OPHN1: variants seen among roughly 807,000 people sequenced by gnomAD.
OPHN1 encodes the protein oligophrenin 1.
In OPHN1, 11 loss-of-function variants were observed where a neutral mutation model predicts 60.7. That is an observed-to-expected ratio of 0.18 (90% CI 0.11 to 0.30). The LOEUF (loss-of-function observed/expected upper bound fraction) is 0.30, where lower values mean the gene tolerates loss of function less well. Ranked by LOEUF, OPHN1 falls within the 10% of genes least tolerant of loss-of-function variation. OPHN1 has a pLI of 1.00. For synonymous variants in OPHN1, 226 were observed against 222.6 expected, an observed-to-expected ratio of 1.02 and a Z score of -0.14; for missense variants, 449 against 611.0, an observed-to-expected ratio of 0.73 and a Z score of 2.80.
chrX:68,143,869 T>C (rs2077253108), intron 15 of OPHN1, among the ~76,000 whole-genome samples: 1 of 111,819 alleles, frequency 8.9e-6, no homozygotes, highest in Non-Finnish European at 1.9e-5. Flanking sequence ...TTGACTGTAA[T>C]AAATCACAGC....
At chrX:68,150,853 G>A (rs2077282632) in intron 15 of OPHN1, among the ~76,000 whole-genome samples, 2 of 111,880 alleles carry the variant, frequency 1.8e-5, no homozygotes, top group Non-Finnish European at 3.8e-5. Context: ...ATTAAAAAAT[G>A]AGTCTGAAAT....
At position 68,262,904 on chromosome X, in the gene OPHN1, A is replaced by G. The variant is rs1269877621; in HGVS notation, c.384+11834T>C. On this transcript the variant is annotated intron_variant, in intron 5 of 24. Transcript: ENST00000355520. Reference sequence around the variant, plus strand: ...AAGGAACAAATGTCCATCTCATTGCATAAATATACCAACTCCATACAGAAG... The same window carrying G: ...AAGGAACAAATGTCCATCTCATTGCGTAAATATACCAACTCCATACAGAAG... Among the ~76,000 whole-genome samples, 5 of 111,836 alleles carry G rather than the reference A, an allele frequency of 4.5e-5. No individual in the cohort carries two copies. The Admixed American group carries it at 4.8e-4, about 11-fold the overall frequency.
intron 19 of OPHN1, among the ~76,000 whole-genome samples, chrX:68,093,205 G>C (rs1353383313): frequency 9.0e-6 from 1 of 110,962 alleles, no homozygotes; most frequent in Non-Finnish European, 1.9e-5. Context: ...ATCTAGAGGT[G>C]GTAAAGTATA....
At position 68,320,539 on chromosome X, in the gene OPHN1, AC is replaced by A. The variant is rs757799738; in HGVS notation, c.155-21444del. Among the ~76,000 whole-genome samples, 508 of 105,091 alleles carry A rather than the reference AC, an allele frequency of 4.8e-3. 3 individuals are homozygous for A. Among genetic ancestry groups the A allele is most frequent in the African/African-American group, 0.016 (470 of 28,608 alleles). 91.3% of individuals were successfully genotyped at this position (105,091 alleles called of 115,157 possible). On this transcript the variant is annotated intron_variant, in intron 2 of 24. Transcript: ENST00000355520. ...ACACTTTGACAGTTTCTATGAATGA[AC>A]CCCCCCCCATTTTTCTATATTCTCA... is the stretch of plus-strand genomic sequence containing the variant.
At chrX:68,252,919 G>GT (rs1009495993) in intron 5 of OPHN1, among the ~76,000 whole-genome samples, 2 of 109,195 alleles carry the variant, frequency 1.8e-5, no homozygotes, top group South Asian at 3.9e-4. Flanking sequence ...TTCCTGGGGA[G>GT]TTTTTTTTTA....
At chrX:68,212,050 G>T in intron 8 of OPHN1, 58 bp downstream of exon 8, 1 of 856,363 alleles carries the variant, frequency 1.2e-6, no homozygotes, top group Non-Finnish European at 1.7e-6. Context: ...AAGGTCGCTA[G>T]GGCTGAAATT....
At chrX:68,167,620 C>T (rs184939702) in intron 15 of OPHN1, among the ~76,000 whole-genome samples, 85 of 108,938 alleles carry the variant, frequency 7.8e-4, no homozygotes, top group South Asian at 3.5e-3. Context: ...TGTATACATG[C>T]GCGCATGCAT....
At chrX:68,196,190 T>C (rs746622879) in intron 12 of OPHN1, among the ~76,000 whole-genome samples, 1 of 111,843 alleles carries the variant, frequency 8.9e-6, no homozygotes, top group East Asian at 2.8e-4. Context: ...TGAGGACACA[T>C]AGAAAGAAAA....
At chrX:68,432,304 C>T (rs1281423464) in intron 2 of OPHN1, among the ~76,000 whole-genome samples, 1 of 111,980 alleles carries the variant, frequency 8.9e-6, no homozygotes. Flanking sequence ...TTAGACTGAC[C>T]TTGACCTAAA....
At chrX:68,274,590 C>T (rs2077984117) in intron 5 of OPHN1, 148 bp downstream of exon 5, 10 of 371,978 alleles carry the variant, frequency 2.7e-5, no homozygotes, top group South Asian at 3.8e-5. Flanking sequence ...AAACAACAAA[C>T]ATTTATTTTG....
At chrX:68,266,649 T>A (rs2077929723) in intron 5 of OPHN1, among the ~76,000 whole-genome samples, 1 of 111,471 alleles carries the variant, frequency 9.0e-6, no homozygotes, top group Non-Finnish European at 1.9e-5. Flanking sequence ...GCTAACATCG[T>A]AATGACAGGA....
chrX:68,229,166 C>T (rs1187379802), intron 6 of OPHN1, among the ~76,000 whole-genome samples: 1 of 111,232 alleles, frequency 9.0e-6, no homozygotes, highest in Non-Finnish European at 1.9e-5. Flanking sequence ...TTCACAATGG[C>T]TTCAAAGAGA....
intron 21 of OPHN1, among the ~76,000 whole-genome samples, chrX:68,061,754 C>T (rs901825743): frequency 2.7e-5 from 3 of 111,767 alleles, no homozygotes; most frequent in African/African-American, 9.8e-5. Context: ...TAACTGTGAT[C>T]GCATGAGTGA....
At chrX:68,225,700 C>G (rs1439854646) in intron 6 of OPHN1, among the ~76,000 whole-genome samples, 1 of 111,948 alleles carries the variant, frequency 8.9e-6, no homozygotes, top group Non-Finnish European at 1.9e-5. Flanking sequence ...GAAAGGACAT[C>G]CACACCAAAA....
At chrX:68,330,962 G>A (rs1211913685) in intron 2 of OPHN1, among the ~76,000 whole-genome samples, 2 of 102,919 alleles carry the variant, frequency 1.9e-5, no homozygotes, top group Non-Finnish European at 3.9e-5. Flanking sequence ...CATTCTTCTT[G>A]GCCATGTTTT....
chrX:68,152,902 T>C (rs2077291438), intron 15 of OPHN1, among the ~76,000 whole-genome samples: 1 of 110,693 alleles, frequency 9.0e-6, no homozygotes, highest in Non-Finnish European at 1.9e-5. Context: ...GTTAACAGAA[T>C]GTTGTAAATT....
At chrX:68,086,604 C>T (rs757185714) in intron 19 of OPHN1, among the ~76,000 whole-genome samples, 10 of 112,103 alleles carry the variant, frequency 8.9e-5, no homozygotes, top group South Asian at 3.8e-4. Context: ...GAACAACTAG[C>T]GCATTAGGGT....
intron 2 of OPHN1, among the ~76,000 whole-genome samples, chrX:68,392,467 A>G (rs756703061): frequency 4.5e-5 from 5 of 110,313 alleles, no homozygotes; most frequent in Admixed American, 9.8e-5. Context: ...TCAAGGCAGC[A>G]GTCAGCTATG....
chrX:68,101,851 T>C (rs2077060423), intron 18 of OPHN1, among the ~76,000 whole-genome samples: 2 of 112,359 alleles, frequency 1.8e-5, no homozygotes, highest in Admixed American at 1.9e-4. Context: ...CAGCATATGG[T>C]GTATACAACA....
Sources: gnomAD v4.1 joint callset for allele counts (sites outside exome capture counted in the v4.1 genomes callset) on GRCh38, gnomAD v4.1.1 for gene constraint, MANE v1.5 for transcripts, NCBI Gene and HGNC (gene_info 2026-07-23, HGNC 2026-07-21) for gene names.